SMYD3: variants seen among roughly 807,000 people sequenced by gnomAD.
SMYD3 encodes the protein SET and MYND domain containing 3.
Under a neutral mutation model 57.7 loss-of-function variants are expected in SMYD3, and 36 were observed. That is an observed-to-expected ratio of 0.62 (90% confidence interval 0.48 to 0.82). The LOEUF (loss-of-function observed/expected upper bound fraction) is 0.82. Among genes scored for constraint, SMYD3 ranks in the 40% least tolerant of loss-of-function variants. The pLI, the probability that SMYD3 is intolerant of heterozygous loss-of-function variation, is 0.00. For missense variants in SMYD3, 515 were observed against 538.8 expected, an observed-to-expected ratio of 0.96 and a Z score of 0.44; for synonymous variants, 211 against 195.0, an observed-to-expected ratio of 1.08 and a Z score of -0.68.
intron 5 of SMYD3, among the ~76,000 whole-genome samples, chr1:246,186,120 ATTG>A (rs1447198249): frequency 6.6e-6 from 1 of 152,194 alleles, no homozygotes. Context: ...TTTTTACTGT[ATTG>A]TTAAGAAATA....
At chr1:246,496,521 G>A (rs10436930) in intron 1 of SMYD3, among the ~76,000 whole-genome samples, 8,378 of 152,004 alleles carry the variant, frequency 0.055, 733 homozygotes, top group African/African-American at 0.19. Flanking sequence ...CTCAACCCAA[G>A]TAATGAATTT....
At chr1:245,970,600 A>C (rs1250965462) in intron 5 of SMYD3, among the ~76,000 whole-genome samples, 5 of 152,222 alleles carry the variant, frequency 3.3e-5, no homozygotes, top group African/African-American at 1.2e-4. Context: ...AAGGAACTTA[A>C]ATTTACAAGA....
chr1:246,285,352 T>A (rs1165432589), intron 5 of SMYD3, among the ~76,000 whole-genome samples: 1 of 152,210 alleles, frequency 6.6e-6, no homozygotes, highest in Non-Finnish European at 1.5e-5. Context: ...AATTTCTTTA[T>A]CCACTCATTG....
intron 5 of SMYD3, among the ~76,000 whole-genome samples, chr1:246,307,058 T>G (rs1052415841): frequency 6.6e-6 from 1 of 152,200 alleles, no homozygotes; most frequent in African/African-American, 2.4e-5. Flanking sequence ...ATCATTTTGG[T>G]AAAAACAGGA....
intron 5 of SMYD3, among the ~76,000 whole-genome samples, chr1:246,270,316 A>G (rs2064197312): frequency 6.6e-6 from 1 of 152,220 alleles, no homozygotes; most frequent in African/African-American, 2.4e-5. Flanking sequence ...TTGCAATAAA[A>G]TATGCATAAA....
At chr1:246,291,772 T>G (rs1034567988) in intron 5 of SMYD3, among the ~76,000 whole-genome samples, 2 of 152,188 alleles carry the variant, frequency 1.3e-5, no homozygotes. Context: ...CTAATTACAG[T>G]AGAAAGAAGA....
At chr1:246,193,573 C>G (rs2062775845) in intron 5 of SMYD3, 1 of 152,440 alleles carries the variant, frequency 6.6e-6, no homozygotes, top group Admixed American at 6.6e-5. Context: ...ATCACACTGG[C>G]ACCCCACGTT....
At chr1:246,151,048 C>G (rs868805529) in intron 5 of SMYD3, among the ~76,000 whole-genome samples, 14 of 152,010 alleles carry the variant, frequency 9.2e-5, no homozygotes, top group African/African-American at 2.9e-4. Flanking sequence ...GAGTTCAAGA[C>G]CAGCCTGGCC....
At chr1:246,020,788 T>C (rs1399512779) in intron 5 of SMYD3, among the ~76,000 whole-genome samples, 1 of 152,204 alleles carries the variant, frequency 6.6e-6, no homozygotes, top group Non-Finnish European at 1.5e-5. Flanking sequence ...AGAAGCAGAA[T>C]TGAAGTCAGA....
In SMYD3 at chr1:246,337,847, CAA is replaced by C. The variant is rs1238234981; in HGVS notation, c.229-2375_229-2374del. ...ATAGCTTACCAGGGTGAGATAAGTA[CAA>C]AACGTACACCAGATAATGAACAACC... On this transcript the variant is annotated intron_variant, in intron 2 of 11. Transcript: ENST00000490107. 2.0e-5 allele frequency among the ~76,000 whole-genome samples: 3 copies of C among 152,254 alleles called. No homozygotes were observed. The East Asian group carries it at 5.8e-4, about 29-fold the overall frequency.
At chr1:246,499,318 T>C (rs765544300) in intron 1 of SMYD3, among the ~76,000 whole-genome samples, 9 of 151,744 alleles carry the variant, frequency 5.9e-5, no homozygotes, top group Admixed American at 1.3e-4. Context: ...AAAGAAAATA[T>C]AGTTTGATTC....
intron 1 of SMYD3, among the ~76,000 whole-genome samples, chr1:246,407,065 C>T (rs185076331): frequency 6.6e-6 from 1 of 152,288 alleles, no homozygotes; most frequent in Admixed American, 6.5e-5. Flanking sequence ...CCTGGGAGGT[C>T]TGGAAATTTA....
chr1:246,168,001 C>A (rs944310723), intron 5 of SMYD3, among the ~76,000 whole-genome samples: 11 of 152,148 alleles, frequency 7.2e-5, no homozygotes, highest in Non-Finnish European at 1.6e-4. Context: ...TATGCATACT[C>A]CTTTAAACAG....
chr1:246,459,351 T>C (rs1317502016), intron 1 of SMYD3, among the ~76,000 whole-genome samples: 1 of 151,722 alleles, frequency 6.6e-6, no homozygotes, highest in Non-Finnish European at 1.5e-5. Flanking sequence ...TATTTAAAAG[T>C]GTGTAGCACG....
chr1:246,057,875 T>C (rs2060180006), intron 5 of SMYD3, among the ~76,000 whole-genome samples: 2 of 152,216 alleles, frequency 1.3e-5, no homozygotes, highest in Non-Finnish European at 2.9e-5. Context: ...GGTGAATGGA[T>C]AATCAAATTG....
intron 7 of SMYD3, among the ~76,000 whole-genome samples, chr1:245,918,883 G>A (rs1348846036): frequency 6.6e-6 from 1 of 152,188 alleles, no homozygotes; most frequent in Non-Finnish European, 1.5e-5. Context: ...GGAGATTACA[G>A]TGTGCCCAGT....
At chr1:245,854,237 T>C (rs1260879662) in intron 10 of SMYD3, among the ~76,000 whole-genome samples, 1 of 152,054 alleles carries the variant, frequency 6.6e-6, no homozygotes, top group Non-Finnish European at 1.5e-5. Flanking sequence ...AAGAGTGACA[T>C]TTTAGTGTGT....
chr1:246,447,478 A>C (rs1427681004), intron 1 of SMYD3, among the ~76,000 whole-genome samples: 1 of 152,200 alleles, frequency 6.6e-6, no homozygotes, highest in African/African-American at 2.4e-5. Context: ...TTTGAAAACA[A>C]AATTTCCAGA....
At chr1:246,495,348 C>CAAA (rs11329443) in intron 1 of SMYD3, among the ~76,000 whole-genome samples, 6,324 of 57,848 alleles carry the variant, frequency 0.11, 776 homozygotes, top group African/African-American at 0.3. Context: ...GACTCCGTCT[C>CAAA]AAAAAAAAAA....
Sources: allele counts gnomAD v4.1 joint callset (sites outside exome capture counted in the v4.1 genomes callset), GRCh38; gene constraint gnomAD v4.1.1; transcripts MANE v1.5; gene names NCBI Gene and HGNC (gene_info 2026-07-23, HGNC 2026-07-21).